The following IGDCC3 variants were observed in gnomAD, a reference collection of about 807,000 sequenced individuals.
IGDCC3 encodes putative neuronal cell adhesion molecule.
IGDCC3 carries 47 observed loss-of-function variants against 72.0 expected under a neutral mutation model. The ratio of observed to expected loss-of-function variants is 0.65; its 90% confidence interval spans 0.52 to 0.83. The LOEUF is 0.83. IGDCC3 is among the 40% of genes least tolerant of loss of function. The pLI is 0.00. For missense variants in IGDCC3, 1,038 were observed against 1,091.3 expected (o/e 0.95, Z 0.69); for synonymous variants, 477 against 472.8 (o/e 1.01, Z -0.11).
intron 2 of IGDCC3, among the ~76,000 whole-genome samples, chr15:65,366,896 A>G (rs2091290912): frequency 6.6e-6 from 1 of 152,206 alleles, no homozygotes; most frequent in South Asian, 2.1e-4. Context: ...GGGCAGCCAC[A>G]GAGGCATTTC....
chr15:65,374,435 C>T (rs1053255263), intron 2 of IGDCC3, among the ~76,000 whole-genome samples: 11 of 152,298 alleles, frequency 7.2e-5, no homozygotes, highest in South Asian at 4.1e-4. Context: ...CCACAATTGA[C>T]GATCAAGCAG....
rs972801168 is a variant in IGDCC3 at position 65,376,598 on chromosome 15, GCCCCCCGCGCCCCCCT to G, written c.103+1072_103+1087del. ...GGGTTATAGGCATTCCCCGCCCAGC[GCCCCCCGCGCCCCCCT>G]CCCCCCGTCCCCGGCCCAGGAAGAT... On this transcript the variant is annotated intron_variant, in intron 1 of 13. Transcript: ENST00000327987. Among the ~76,000 whole-genome samples the G allele has an allele frequency of 4.7e-5, 7 of 149,130 alleles. No individual in the cohort carries two copies. In the East Asian group the frequency reaches 1.0e-3, roughly 21 times the overall value.
chr15:65,330,377 C>T lies in IGDCC3; in HGVS notation c.1774G>A (p.Val592Met). 6.2e-7 allele frequency: 1 copy of T among 1,613,928 alleles called. No homozygotes were observed. Among genetic ancestry groups the T allele is most frequent in the Non-Finnish European group, 8.5e-7 (1 of 1,179,864 alleles). Residue 592 changes from valine (V) to methionine (M), a missense_variant, in exon 11 of 14, where the codon GTG becomes ATG. Coordinates refer to ENST00000327987, the MANE Select transcript of IGDCC3 (RefSeq NM_004884.4). ...TGCTGGTTGTAGGCGAGCAGCTTCA[C>T]CTCATACACTGCAGTGGGGTCTGGA... Reference protein sequence around the residue: ...SQLDPTAVYEVKLLAYNQHGD... With the variant: ...SQLDPTAVYEMKLLAYNQHGD...
chr15:65,346,133 G>A lies in IGDCC3; in HGVS notation c.410-10177C>T, dbSNP rs78298766. 9.2e-3 allele frequency among the ~76,000 whole-genome samples: 1,396 copies of A among 152,322 alleles called. 33 individuals carry two copies. The highest frequency in any genetic ancestry group is 0.032 in the African/African-American group (1,331 of 41,570). ...GGTTTGGTGGTAGGTTTTATAGGGA[G>A]TAATTAATGCAAATAAGCACCATGA... On this transcript the variant is annotated intron_variant, in intron 2 of 13. Coordinates refer to ENST00000327987, the MANE Select transcript of IGDCC3 (RefSeq NM_004884.4).
At chr15:65,353,412 G>A (rs2091187351) in intron 2 of IGDCC3, among the ~76,000 whole-genome samples, 1 of 151,978 alleles carries the variant, frequency 6.6e-6, no homozygotes. Flanking sequence ...CATCATGCCT[G>A]GCTAATTTTT....
chr15:65,334,898 G>C (rs1428756112), intron 4 of IGDCC3, 33 bp from the exon 5 acceptor site: 1 of 1,592,452 alleles, frequency 6.3e-7, no homozygotes, highest in Non-Finnish European at 8.5e-7. Flanking sequence ...CCTCACTTCA[G>C]CTGGGGACTT....
At chr15:65,354,967 G>A (rs1370073239) in intron 2 of IGDCC3, among the ~76,000 whole-genome samples, 2 of 152,178 alleles carry the variant, frequency 1.3e-5, no homozygotes, top group African/African-American at 4.8e-5. Context: ...CTCAGGAATC[G>A]GTGTGTCTAC....
intron 2 of IGDCC3, among the ~76,000 whole-genome samples, chr15:65,374,413 A>G (rs573263264): frequency 4.6e-5 from 7 of 152,350 alleles, no homozygotes; most frequent in Admixed American, 2.0e-4. Context: ...AACCACAGTC[A>G]TCATTTCATC....
In IGDCC3 at chr15:65,331,120, G is replaced by A. The variant is rs1156536032; in HGVS notation, c.1491C>T (p.Tyr497=). 3 of 1,614,140 alleles carry A rather than the reference G, an allele frequency of 1.9e-6. No individual in the cohort carries two copies. Among genetic ancestry groups the A allele is most frequent in the Non-Finnish European group, 2.5e-6 (3 of 1,180,022 alleles). ...CCCCCCTTGGTGTGTAGGCCTTGATGTAGAAACTGTAGGCTGTGGAGGGCT... is the reference window on the plus strand; with the variant it reads ...CCCCCCTTGGTGTGTAGGCCTTGATATAGAAACTGTAGGCTGTGGAGGGCT... ...DLEPSTAYSF[Y]IKAYTPRGAS... is the part of the protein sequence containing the mutation. Residue 497 remains tyrosine (Y), a synonymous_variant, in exon 9 of 14, where the codon TAC becomes TAT. Coordinates refer to ENST00000327987, the MANE Select transcript of IGDCC3 (RefSeq NM_004884.4).
intron 2 of IGDCC3, among the ~76,000 whole-genome samples, chr15:65,360,686 T>G (rs1010481183): frequency 2.6e-5 from 4 of 152,222 alleles, no homozygotes; most frequent in Non-Finnish European, 5.9e-5. Flanking sequence ...GTTTCAATTC[T>G]CTAAGGTCCT....
At chr15:65,376,535 G>T (rs1180193530) in intron 1 of IGDCC3, among the ~76,000 whole-genome samples, 1 of 152,254 alleles carries the variant, frequency 6.6e-6, no homozygotes, top group South Asian at 2.1e-4. Flanking sequence ...CTGGCTGAGG[G>T]AGATGGGGAA....
intron 2 of IGDCC3, among the ~76,000 whole-genome samples, chr15:65,347,621 A>G (rs766715509): frequency 6.6e-6 from 1 of 152,212 alleles, no homozygotes; most frequent in Non-Finnish European, 1.5e-5. Flanking sequence ...TACAGGTCAT[A>G]AACACCTTGC....
At position 65,328,723 on chromosome 15, in the gene IGDCC3, A is replaced by C; in HGVS notation, c.*186T>G. On this transcript the variant is annotated 3_prime_UTR_variant, in exon 14 of 14. Coordinates refer to ENST00000327987, the MANE Select transcript of IGDCC3 (RefSeq NM_004884.4). Reference sequence around the variant, plus strand: ...CCTGCAGGAACTGCTCCAACTCCTGATGGGTGTTAGGGCCGGGGGGTCCCT... The same window carrying C: ...CCTGCAGGAACTGCTCCAACTCCTGCTGGGTGTTAGGGCCGGGGGGTCCCT... 3 of 566,206 alleles carry C rather than the reference A, an allele frequency of 5.3e-6. No homozygotes were observed. The highest frequency in any genetic ancestry group is 5.5e-6 in the Non-Finnish European group (2 of 365,224). The allele number at this position is 566,206 out of a possible 1,614,324, so 35.1% of individuals were successfully genotyped here.
chr15:65,355,689 T>A, intron 2 of IGDCC3: 1 of 364,494 alleles, frequency 2.7e-6, no homozygotes, highest in Non-Finnish European at 5.3e-6. Context: ...ATAGCAATAG[T>A]GTCCGCGCTG....
At chr15:65,366,927 T>C (rs1381254530) in intron 2 of IGDCC3, among the ~76,000 whole-genome samples, 2 of 152,168 alleles carry the variant, frequency 1.3e-5, no homozygotes, top group Non-Finnish European at 2.9e-5. Context: ...GTGAACAAAG[T>C]TGGGGGCAGG....
rs1046288935 is a variant in IGDCC3, at chr15:65,329,152, G to A, written c.2206-4C>T. 1.2e-6 allele frequency: 2 copies of A among 1,601,412 alleles called. No individual in the cohort carries two copies. Among genetic ancestry groups the A allele is most frequent in the African/African-American group, 2.7e-5 (2 of 74,508 alleles). On this transcript the variant is annotated splice_polypyrimidine_tract_variant and splice_region_variant and intron_variant, in intron 13 of 13. Coordinates refer to ENST00000327987, the MANE Select transcript of IGDCC3 (RefSeq NM_004884.4). The surrounding 1 kb of genome is among the most constrained non-coding windows in gnomAD (Gnocchi z 4.1). ...GAGCGGGGGCTGCAGGATCCTGCTG[G>A]GGAAAGAGCCCGTCACACAGGCGTC...
In IGDCC3 at chr15:65,328,435, G is replaced by A. The variant is rs531474126; in HGVS notation, c.*474C>T. ...AGGCCACCGCCCCACTGCCCCCCAG[G>A]ACATTCATTCCGGCTGAGGTAGGTG... is the stretch of plus-strand genomic sequence containing the variant. On this transcript the variant is annotated 3_prime_UTR_variant, in exon 14 of 14. Transcript: ENST00000327987. 2 of 152,654 alleles carry A rather than the reference G, an allele frequency of 1.3e-5. No individual in the cohort carries two copies. Among genetic ancestry groups the A allele is most frequent in the African/African-American group, 4.8e-5 (2 of 41,452 alleles). 9.5% of individuals were successfully genotyped at this position (152,654 alleles called of 1,614,324 possible). A position where few individuals can be genotyped will look rare whatever the true frequency, so the allele number is the denominator to read the frequency against.
In IGDCC3 at chr15:65,329,441, C is replaced by A; in HGVS notation, c.2154G>T (p.Glu718Asp). 1 of 1,608,706 alleles carries A rather than the reference C, an allele frequency of 6.2e-7. No individual in the cohort carries two copies. Among genetic ancestry groups the A allele is most frequent in the Non-Finnish European group, 8.5e-7 (1 of 1,178,086 alleles). The change falls in exon 13 of 14, where the codon GAG (glutamate) becomes GAT (aspartate). Residue 718 changes from glutamate to aspartate, a missense_variant. Coordinates refer to ENST00000327987, the MANE Select transcript of IGDCC3 (RefSeq NM_004884.4). This position sits in a 1 kb window ranked among gnomAD's most constrained non-coding sequence, Gnocchi z 4.1. Reference sequence around the variant, plus strand: ...CTGCGCTGGCCGGGGGGAACAGCTGCTCCAGCTCCTTCATATCCACACGTT... The same window carrying A: ...CTGCGCTGGCCGGGGGGAACAGCTGATCCAGCTCCTTCATATCCACACGTT... ...DEKRVDMKEL[E>D]QLFPPASAAG... is the part of the protein sequence containing the mutation.
chr15:65,336,756 C>A (rs1489921270), intron 2 of IGDCC3, among the ~76,000 whole-genome samples: 8 of 152,068 alleles, frequency 5.3e-5, no homozygotes, highest in Non-Finnish European at 8.8e-5. Context: ...CTGTGGTGCA[C>A]CCTCCCCTCC....
Sources: allele counts gnomAD v4.1 joint callset (sites outside exome capture counted in the v4.1 genomes callset), GRCh38; gene constraint gnomAD v4.1.1; non-coding constraint Gnocchi (gnomAD v3.1); transcripts MANE v1.5; gene names NCBI Gene and HGNC (gene_info 2026-07-23, HGNC 2026-07-21).